NXNL2: variants seen among roughly 807,000 people sequenced by gnomAD.
The protein encoded by NXNL2 is nucleoredoxin like 2.
Under a neutral mutation model 11.1 loss-of-function variants are expected in NXNL2, and 7 were observed. The observed-to-expected ratio is 0.63, with a 90% CI of 0.36 to 1.18. The LOEUF is 1.18. Among genes scored for constraint, NXNL2 ranks in the 50% most tolerant of loss-of-function variants. The pLI, the probability that NXNL2 is intolerant of heterozygous loss-of-function variation, is 0.02. For missense variants in NXNL2, 233 were observed against 217.7 expected (o/e 1.07, Z -0.44); for synonymous variants, 109 against 101.8 (o/e 1.07, Z -0.42).
At chr9:88,553,969 T>C (rs1474403554) in intron 1 of NXNL2, among the ~76,000 whole-genome samples, 1 of 152,204 alleles carries the variant, frequency 6.6e-6, no homozygotes, top group Admixed American at 6.5e-5. Context: ...TGTATTGTAT[T>C]AGTACAAGGT....
rs772491864 is a variant in NXNL2, at chr9:88,535,414, A to G, written c.-21A>G. 2 of 1,573,400 alleles carry G rather than the reference A, an allele frequency of 1.3e-6. No individual in the cohort carries two copies. The highest frequency in any genetic ancestry group is 1.7e-6 in the Non-Finnish European group (2 of 1,164,204). ...CCTCCTGCAGGTGTCCTCGGGTCTCAGGTGGCTGCGTGTCTGCGCCATGGT... is the reference window on the plus strand; with the variant it reads ...CCTCCTGCAGGTGTCCTCGGGTCTCGGGTGGCTGCGTGTCTGCGCCATGGT... On this transcript the variant is annotated 5_prime_UTR_variant, in exon 1 of 2. Transcript: ENST00000375854.
intron 1 of NXNL2, among the ~76,000 whole-genome samples, chr9:88,564,696 G>T (rs572765001): frequency 6.6e-6 from 1 of 152,200 alleles, no homozygotes; most frequent in Non-Finnish European, 1.5e-5. Flanking sequence ...GATTACAGGC[G>T]TGAGCCACTG....
chr9:88,547,580 A>G (rs1313344916), downstream of NXNL2, among the ~76,000 whole-genome samples: 2 of 152,182 alleles, frequency 1.3e-5, no homozygotes, highest in East Asian at 3.9e-4. Flanking sequence ...AGGTACCTTA[A>G]AACCCCATCC....
intron 1 of NXNL2, among the ~76,000 whole-genome samples, chr9:88,553,597 A>G (rs1326602587): frequency 6.6e-6 from 1 of 152,078 alleles, no homozygotes; most frequent in African/African-American, 2.4e-5. Flanking sequence ...GGCTCTTTCT[A>G]GCGGGTCAGG....
downstream of NXNL2, among the ~76,000 whole-genome samples, chr9:88,549,602 C>A (rs1245864186): frequency 6.6e-6 from 1 of 152,190 alleles, no homozygotes; most frequent in Non-Finnish European, 1.5e-5. Context: ...TCCAACTACA[C>A]TGTGACTCCT....
At chr9:88,555,276 A>G (rs1187977715) in intron 1 of NXNL2, among the ~76,000 whole-genome samples, 1 of 152,204 alleles carries the variant, frequency 6.6e-6, no homozygotes, top group Non-Finnish European at 1.5e-5. Flanking sequence ...GCTTGATCAT[A>G]TGCTAAACAA....
chr9:88,552,671 G>T (rs1355353321), intron 1 of NXNL2, among the ~76,000 whole-genome samples: 1 of 151,924 alleles, frequency 6.6e-6, no homozygotes, highest in Non-Finnish European at 1.5e-5. Context: ...GGATTTCACC[G>T]TGTTAGCCAG....
rs544498360 is a variant in NXNL2 at position 88,556,119 on chromosome 9, C to T, written c.303-14968C>T. Among the ~76,000 whole-genome samples the T allele has an allele frequency of 2.5e-3, 379 of 152,282 alleles. 2 individuals are homozygous for T. The highest frequency in any genetic ancestry group is 8.8e-3 in the African/African-American group (365 of 41,560). ...GGGTCACAACTCTGGCTCAGGGAGTCCCGAGGTCTCGGCCCCCAGAGGGTC... is the reference window on the plus strand; with the variant it reads ...GGGTCACAACTCTGGCTCAGGGAGTTCCGAGGTCTCGGCCCCCAGAGGGTC... On this transcript the variant is annotated intron_variant, in intron 1 of 2. Coordinates refer to the NXNL2 transcript ENST00000375855.
chr9:88,555,785 G>A (rs960418181), intron 1 of NXNL2, among the ~76,000 whole-genome samples: 13 of 152,164 alleles, frequency 8.5e-5, no homozygotes, highest in Admixed American at 3.3e-4. Flanking sequence ...GGCGGGCTGC[G>A]CTCAGTTCTT....
intron 1 of NXNL2, among the ~76,000 whole-genome samples, chr9:88,563,121 G>A (rs568344905): frequency 1.3e-5 from 2 of 152,214 alleles, no homozygotes; most frequent in South Asian, 4.2e-4. Flanking sequence ...AACAGACTGA[G>A]GGCTTACCAC....
intron 1 of NXNL2, among the ~76,000 whole-genome samples, chr9:88,540,179 A>T (rs2118405670): frequency 6.6e-6 from 1 of 152,056 alleles, no homozygotes; most frequent in South Asian, 2.1e-4. Flanking sequence ...AAAAATACAA[A>T]AAATTAGCCA....
chr9:88,557,432 A>G (rs1830032733), intron 1 of NXNL2, among the ~76,000 whole-genome samples: 2 of 152,222 alleles, frequency 1.3e-5, no homozygotes, highest in African/African-American at 2.4e-5. Context: ...GGATTTCTGC[A>G]GAGATCACAG....
chr9:88,556,501 G>T (rs1310637375), intron 1 of NXNL2, among the ~76,000 whole-genome samples: 1 of 152,158 alleles, frequency 6.6e-6, no homozygotes, highest in East Asian at 1.9e-4. Context: ...GAGTCCAGGG[G>T]TTTCATGGGC....
At chr9:88,549,492 T>A (rs904941685), downstream of NXNL2, among the ~76,000 whole-genome samples, 1 of 152,184 alleles carries the variant, frequency 6.6e-6, no homozygotes, top group Non-Finnish European at 1.5e-5. Flanking sequence ...ACTCACTGGA[T>A]GAGTGGCAGG....
At chr9:88,549,337 TTGAG>T (rs1473441665), downstream of NXNL2, among the ~76,000 whole-genome samples, 3 of 152,208 alleles carry the variant, frequency 2.0e-5, no homozygotes, top group East Asian at 5.8e-4. Flanking sequence ...CTCTCCTGCA[TTGAG>T]TTTCTCTTTC....
chr9:88,553,963 T>C (rs1829978354), intron 1 of NXNL2, among the ~76,000 whole-genome samples: 1 of 152,200 alleles, frequency 6.6e-6, no homozygotes, highest in Non-Finnish European at 1.5e-5. Context: ...GGTAAATGTA[T>C]TGTATTAGTA....
intron 1 of NXNL2, among the ~76,000 whole-genome samples, chr9:88,542,058 G>C (rs902000869): frequency 6.6e-6 from 1 of 151,388 alleles, no homozygotes; most frequent in Non-Finnish European, 1.5e-5. Context: ...GTGAAACCCC[G>C]TCTCTACTAA....
chr9:88,535,476 G>A lies in NXNL2; in HGVS notation c.42G>A (p.Lys14=). ...GCGAGCGGCACCTGGTGACCTGTAA[G>A]GGCGCGACGGTGGAGGCCGAGGCGG... The part of the protein sequence containing the change: ...ILGERHLVTC[K]GATVEAEAAL... The change falls in exon 1 of 2, where the codon AAG becomes AAA. Residue 14 remains lysine (K), a synonymous_variant. Coordinates refer to ENST00000375854, the MANE Select transcript of NXNL2 (RefSeq NM_001161625.2). 4 of 1,608,850 alleles carry A rather than the reference G, an allele frequency of 2.5e-6. No individual in the cohort carries two copies. Among genetic ancestry groups the A allele is most frequent in the Non-Finnish European group, 3.4e-6 (4 of 1,178,476 alleles).
intron 1 of NXNL2, among the ~76,000 whole-genome samples, chr9:88,560,454 A>C (rs990570912): frequency 7.2e-5 from 11 of 152,078 alleles, no homozygotes; most frequent in African/African-American, 2.7e-4. Context: ...TGTCCACCAA[A>C]GCAAAGATCC....
Sources: allele counts gnomAD v4.1 joint callset (sites outside exome capture counted in the v4.1 genomes callset), GRCh38; gene constraint gnomAD v4.1.1; transcripts MANE v1.5; gene names NCBI Gene and HGNC (gene_info 2026-07-23, HGNC 2026-07-21).